The following CCDC60 variants were observed in gnomAD, a reference collection of about 807,000 sequenced individuals.
The protein encoded by CCDC60 is coiled-coil domain containing 60.
A neutral mutation model predicts 63.5 loss-of-function variants in CCDC60; 54 were observed. The observed-to-expected ratio is 0.85, with a 90% CI of 0.68 to 1.07. The LOEUF (loss-of-function observed/expected upper bound fraction) is 1.07. CCDC60 is among the 50% of genes least tolerant of loss of function. The pLI, the probability that CCDC60 is intolerant of heterozygous loss-of-function variation, is 0.00. For missense variants in CCDC60, 651 were observed against 684.3 expected, an observed-to-expected ratio of 0.95 and a Z score of 0.54; for synonymous variants, 206 against 238.8, an observed-to-expected ratio of 0.86 and a Z score of 1.27.
chr12:119,362,247 G>C (rs1416000454), intron 1 of CCDC60, among the ~76,000 whole-genome samples: 2 of 152,090 alleles, frequency 1.3e-5, no homozygotes, highest in Non-Finnish European at 2.9e-5. Flanking sequence ...TTTTAAATTT[G>C]AGGTGTAAAT....
chr12:119,523,879 T>G, intron 11 of CCDC60, 61 bp downstream of exon 11: 1 of 1,520,028 alleles, frequency 6.6e-7, no homozygotes, highest in Non-Finnish European at 9.0e-7. Context: ...ACTATATGCC[T>G]GCCAGGTGCC....
rs79268044 is a variant in CCDC60, at chr12:119,500,185, G to A, written c.648+17G>A. 5,550 of 1,531,712 alleles carry A rather than the reference G, an allele frequency of 3.6e-3. 162 individuals are homozygous for A. In the African/African-American group the frequency reaches 0.062, roughly 17 times the overall value. The allele number at this position is 1,531,712 out of a possible 1,614,324, so 94.9% of individuals were successfully genotyped here. A position where few individuals can be genotyped will look rare whatever the true frequency, so the allele number is the denominator to read the frequency against. On this transcript the variant is annotated intron_variant, in intron 6 of 13. Transcript: ENST00000327554. Reference sequence around the variant, plus strand: ...GCGCCAAAGGTAACCAACAACACGCGACTCAACCCTTTGGCTCCTAGGTCC... The same window carrying A: ...GCGCCAAAGGTAACCAACAACACGCAACTCAACCCTTTGGCTCCTAGGTCC...
intron 1 of CCDC60, among the ~76,000 whole-genome samples, chr12:119,341,962 A>C (rs1267995936): frequency 1.3e-5 from 2 of 152,234 alleles, no homozygotes; most frequent in Non-Finnish European, 2.9e-5. Flanking sequence ...AGAGAGCCAA[A>C]GGGTAGTGAG....
At chr12:119,501,784 G>T (rs1951859547) in intron 6 of CCDC60, among the ~76,000 whole-genome samples, 1 of 152,194 alleles carries the variant, frequency 6.6e-6, no homozygotes, top group Non-Finnish European at 1.5e-5. Context: ...GAATAGCTGT[G>T]CTTGAACTCT....
At chr12:119,509,707 T>C (rs1952159192) in intron 7 of CCDC60, among the ~76,000 whole-genome samples, 1 of 152,204 alleles carries the variant, frequency 6.6e-6, no homozygotes, top group Admixed American at 6.5e-5. Flanking sequence ...CACTTAAAAG[T>C]ATTTTTGTAT....
chr12:119,395,353 T>C (rs1223739957), intron 1 of CCDC60, among the ~76,000 whole-genome samples: 1 of 152,172 alleles, frequency 6.6e-6, no homozygotes, highest in East Asian at 1.9e-4. Flanking sequence ...CCACAGGCTG[T>C]ACAGGAAGCA....
In CCDC60 at chr12:119,426,021, T is replaced by C. The variant is rs556030917; in HGVS notation, c.91-2662T>C. Among the ~76,000 whole-genome samples the C allele has an allele frequency of 1.5e-3, 233 of 152,234 alleles. 1 individual carries two copies. The highest frequency in any genetic ancestry group is 4.6e-3 in the African/African-American group (191 of 41,524). Reference sequence around the variant, plus strand: ...GTTGTATGTGTGAGACAAACGAATGTTCATTATGCAAAAGCATGGGAAAGT... The same window carrying C: ...GTTGTATGTGTGAGACAAACGAATGCTCATTATGCAAAAGCATGGGAAAGT... On this transcript the variant is annotated intron_variant, in intron 1 of 13. Transcript: ENST00000327554.
At chr12:119,531,780 C>T (rs1351967830) in intron 13 of CCDC60, among the ~76,000 whole-genome samples, 1 of 152,108 alleles carries the variant, frequency 6.6e-6, no homozygotes, top group African/African-American at 2.4e-5. Context: ...AATTTAGGAG[C>T]CACTAAACAG....
chr12:119,534,855 A>G (rs2136547724), intron 13 of CCDC60, among the ~76,000 whole-genome samples: 1 of 152,330 alleles, frequency 6.6e-6, no homozygotes, highest in East Asian at 1.9e-4. Flanking sequence ...GATGTTCATC[A>G]GGGATATTGG....
intron 1 of CCDC60, among the ~76,000 whole-genome samples, chr12:119,423,937 C>T (rs1047629334): frequency 4.6e-5 from 7 of 152,072 alleles, no homozygotes; most frequent in African/African-American, 1.7e-4. Context: ...ACTTTGCCTG[C>T]CTTGAGAGAA....
At chr12:119,353,844 G>A (rs553756373) in intron 1 of CCDC60, among the ~76,000 whole-genome samples, 8 of 152,196 alleles carry the variant, frequency 5.3e-5, no homozygotes, top group East Asian at 3.9e-4. Flanking sequence ...ATGCCAAGGC[G>A]AGTGGATCGC....
In CCDC60 at chr12:119,500,280, C is replaced by T. The variant is rs144893545; in HGVS notation, c.648+112C>T. ...GAATTTTTTTTTCCTAGTTGGTTCT[C>T]GGAGTGAAGGGAAGTCAGAGCCACA... On this transcript the variant is annotated intron_variant, in intron 6 of 13. Coordinates refer to ENST00000327554, the MANE Select transcript of CCDC60 (RefSeq NM_178499.5). 8.2e-5 allele frequency: 59 copies of T among 723,178 alleles called. No individual in the cohort carries two copies. In the African/African-American group the frequency reaches 8.5e-4, roughly 10 times the overall value. 44.8% of individuals were successfully genotyped at this position (723,178 alleles called of 1,614,324 possible).
intron 2 of CCDC60, among the ~76,000 whole-genome samples, chr12:119,449,891 A>G (rs1443392076): frequency 2.6e-5 from 4 of 152,210 alleles, no homozygotes; most frequent in South Asian, 2.1e-4. Flanking sequence ...AGAACTAAAA[A>G]TAGATCTACC....
intron 1 of CCDC60, among the ~76,000 whole-genome samples, chr12:119,427,054 T>C (rs1956914040): frequency 6.6e-6 from 1 of 152,190 alleles, no homozygotes; most frequent in South Asian, 2.1e-4. Flanking sequence ...CAAAAAACAC[T>C]CTCAGTACAA....
chr12:119,398,026 G>A (rs1201687575), intron 1 of CCDC60, among the ~76,000 whole-genome samples: 3 of 46,306 alleles, frequency 6.5e-5, no homozygotes. Context: ...GGGGCGGCGG[G>A]AGGGAGGAAG....
intron 2 of CCDC60, among the ~76,000 whole-genome samples, chr12:119,449,201 C>T (rs1324684806): frequency 6.6e-6 from 1 of 152,200 alleles, no homozygotes; most frequent in African/African-American, 2.4e-5. Context: ...CATGTGCACA[C>T]TTGTGTAACT....
At chr12:119,525,942 A>G (rs903204229) in intron 11 of CCDC60, among the ~76,000 whole-genome samples, 1 of 152,232 alleles carries the variant, frequency 6.6e-6, no homozygotes, top group African/African-American at 2.4e-5. Context: ...ACCAAAAAAG[A>G]GCCTGAATAA....
chr12:119,515,985 G>A (rs1952342394), intron 7 of CCDC60, among the ~76,000 whole-genome samples: 1 of 152,220 alleles, frequency 6.6e-6, no homozygotes, highest in African/African-American at 2.4e-5. Flanking sequence ...TCTGGCTGCA[G>A]TAGAGTTTAA....
chr12:119,436,653 C>A (rs1446792046), intron 2 of CCDC60, among the ~76,000 whole-genome samples: 2 of 151,926 alleles, frequency 1.3e-5, no homozygotes, highest in Non-Finnish European at 2.9e-5. Context: ...ATTCTCCTGC[C>A]TCAGCCTCCC....
Sources: gnomAD v4.1 joint callset for allele counts (sites outside exome capture counted in the v4.1 genomes callset) on GRCh38, gnomAD v4.1.1 for gene constraint, MANE v1.5 for transcripts, NCBI Gene and HGNC (gene_info 2026-07-23, HGNC 2026-07-21) for gene names.